PATJ: variants seen among roughly 807,000 people sequenced by gnomAD.
The protein encoded by PATJ is inaD-like protein.
In PATJ, 190 loss-of-function variants were observed where a neutral mutation model predicts 224.9. The observed-to-expected ratio is 0.84, with a 90% CI of 0.75 to 0.95. The LOEUF is 0.95. Among genes scored for constraint, PATJ ranks in the 40% least tolerant of loss-of-function variants. The probability of loss-of-function intolerance (pLI) is 0.00; values close to 1 mark genes in which losing one functional copy is unlikely to be tolerated. For synonymous variants in PATJ, 769 were observed against 820.3 expected (o/e 0.94, Z 1.07); for missense variants, 2,121 against 2,270.3 (o/e 0.93, Z 1.34).
chr1:62,048,195 A>T (rs1652885995), intron 30 of PATJ, among the ~76,000 whole-genome samples: 1 of 152,248 alleles, frequency 6.6e-6, no homozygotes, highest in South Asian at 2.1e-4. Context: ...GCAAGAATAA[A>T]GAATCTGCTT....
At chr1:62,064,630 A>G (rs752648407) in intron 31 of PATJ, among the ~76,000 whole-genome samples, 2 of 152,192 alleles carry the variant, frequency 1.3e-5, no homozygotes, top group Admixed American at 6.5e-5. Flanking sequence ...CCGGGCCTTC[A>G]TAAGTGTTTT....
chr1:62,023,865 G>C (rs1275765110), intron 29 of PATJ, among the ~76,000 whole-genome samples: 1 of 152,138 alleles, frequency 6.6e-6, no homozygotes, highest in Non-Finnish European at 1.5e-5. Context: ...ATTTTGAGGT[G>C]TTCCTTTAAT....
intron 41 of PATJ, among the ~76,000 whole-genome samples, chr1:62,138,012 C>T (rs974144257): frequency 1.3e-5 from 2 of 152,134 alleles, no homozygotes; most frequent in African/African-American, 4.8e-5. Context: ...GCCTCCCCCT[C>T]TTTGGGTTGG....
intron 22 of PATJ, among the ~76,000 whole-genome samples, chr1:61,885,554 T>C (rs1226764036): frequency 6.6e-6 from 1 of 152,032 alleles, no homozygotes; most frequent in Non-Finnish European, 1.5e-5. Context: ...TGTGGAGAAA[T>C]AGGAACACTT....
Position 62,082,048 on chromosome 1 carries a change from T to C in PATJ, c.4244-2467T>C, listed in dbSNP as rs1023749339. ...GTATCTTACCTAGAGCCTTTCTTTTTGTCTTATTGGCAAGATTTTTCTATA... is the reference window on the plus strand; with the variant it reads ...GTATCTTACCTAGAGCCTTTCTTTTCGTCTTATTGGCAAGATTTTTCTATA... On this transcript the variant is annotated intron_variant, in intron 32 of 43. Coordinates refer to ENST00000642238, the MANE Select transcript of PATJ (RefSeq NM_001350145.3). Among the ~76,000 whole-genome samples the C allele has an allele frequency of 5.9e-5, 9 of 152,376 alleles. No homozygotes were observed. In the East Asian group the frequency reaches 1.7e-3, roughly 29 times the overall value.
intron 10 of PATJ, 120 bp downstream of exon 10, chr1:61,795,678 A>G (rs1650943245): frequency 1.8e-6 from 1 of 557,796 alleles, no homozygotes; most frequent in East Asian, 3.1e-5. Flanking sequence ...TTAAAAAATT[A>G]AGTTTGTTAT....
chr1:62,079,162 C>A (rs893366050), intron 31 of PATJ, among the ~76,000 whole-genome samples: 8 of 152,090 alleles, frequency 5.3e-5, no homozygotes, highest in South Asian at 4.2e-4. Context: ...TTTTGCCTCC[C>A]ACCCCCAGCT....
At chr1:61,871,520 T>TGTATATAC in intron 20 of PATJ, among the ~76,000 whole-genome samples, 1 of 132,574 alleles carries the variant, frequency 7.5e-6, no homozygotes, top group South Asian at 2.3e-4. Context: ...CGCATATATA[T>TGTATATAC]AAATATGTGT....
At chr1:61,896,443 G>T (rs111499995) in intron 22 of PATJ, among the ~76,000 whole-genome samples, 1 of 152,094 alleles carries the variant, frequency 6.6e-6, no homozygotes, top group South Asian at 2.1e-4. Context: ...TGTATCTTGG[G>T]AATAACTAAC....
chr1:61,800,785 T>G (rs2148580713), intron 11 of PATJ, among the ~76,000 whole-genome samples: 1 of 152,182 alleles, frequency 6.6e-6, no homozygotes, highest in East Asian at 1.9e-4. Flanking sequence ...TGTGTCCAAG[T>G]GTTCTCATTA....
chr1:61,758,567 G>A (rs2148255325), intron 1 of PATJ, among the ~76,000 whole-genome samples: 1 of 152,122 alleles, frequency 6.6e-6, no homozygotes, highest in East Asian at 1.9e-4. Flanking sequence ...AGCTAGTCTG[G>A]AACTTCTGAT....
intron 26 of PATJ, among the ~76,000 whole-genome samples, chr1:61,923,614 A>T (rs897141176): frequency 1.3e-5 from 2 of 152,090 alleles, no homozygotes; most frequent in Non-Finnish European, 2.9e-5. Flanking sequence ...GAGATCATTC[A>T]CTTTAAAAAA....
At chr1:61,914,369 G>A (rs1673119368) in intron 25 of PATJ, among the ~76,000 whole-genome samples, 1 of 152,100 alleles carries the variant, frequency 6.6e-6, no homozygotes, top group African/African-American at 2.4e-5. Context: ...GGCTGGAGAA[G>A]CGCTTGAACC....
At chr1:61,959,427 T>TTTTTTC (rs1360962880) in intron 27 of PATJ, among the ~76,000 whole-genome samples, 461 of 25,152 alleles carry the variant, frequency 0.018, 20 homozygotes, top group African/African-American at 0.042. Flanking sequence ...TATAATATAT[T>TTTTTTC]TTTTTTCTTT....
At chr1:62,028,719 G>A (rs1253680032) in intron 29 of PATJ, among the ~76,000 whole-genome samples, 1 of 152,116 alleles carries the variant, frequency 6.6e-6, no homozygotes, top group Non-Finnish European at 1.5e-5. Flanking sequence ...GAAGGTCAAG[G>A]CTGCAGTGAG....
At chr1:62,017,728 T>TGA in intron 28 of PATJ, 128 bp from the exon 29 acceptor site, 2 of 390,574 alleles carry the variant, frequency 5.1e-6, no homozygotes, top group East Asian at 9.2e-5. Flanking sequence ...TGAGACTGTC[T>TGA]CAAAAAAAAA....
rs764663723 is a variant in PATJ, at chr1:61,769,381, T to C, written c.483T>C (p.Asp161=). The C allele has an allele frequency of 3.1e-6, 5 of 1,614,130 alleles. No individual in the cohort carries two copies. Among genetic ancestry groups the C allele is most frequent in the Non-Finnish European group, 4.2e-6 (5 of 1,180,008 alleles). Residue 161 remains aspartate, a synonymous_variant, in exon 5 of 44, where the codon GAT becomes GAC. Transcript: ENST00000642238. ...GAAGTCAAAATCTCGGAAAAGTTGA[T>C]ATCTTCGTGAAGGATGTCCAGCCAG... is the stretch of plus-strand genomic sequence containing the variant. The part of the protein sequence containing the change: ...ALRSQNLGKV[D]IFVKDVQPGS...
chr1:62,014,562 C>CTTTTTTTTTTT (rs35711547), intron 28 of PATJ, among the ~76,000 whole-genome samples: 3 of 84,518 alleles, frequency 3.5e-5, no homozygotes, highest in African/African-American at 9.3e-5. Context: ...CTTTTCTTTC[C>CTTTTTTTTTTT]TTTTTTTTTT....
chr1:61,763,396 G>C (rs1187797251), intron 3 of PATJ, among the ~76,000 whole-genome samples: 1 of 151,920 alleles, frequency 6.6e-6, no homozygotes, highest in Non-Finnish European at 1.5e-5. Context: ...ACTGGATGTG[G>C]TGGCATGTAC....
Sources: allele counts gnomAD v4.1 joint callset (sites outside exome capture counted in the v4.1 genomes callset), GRCh38; gene constraint gnomAD v4.1.1; transcripts MANE v1.5; gene names NCBI Gene and HGNC (gene_info 2026-07-23, HGNC 2026-07-21).